The following IL17B variants were observed in gnomAD, a reference collection of about 807,000 sequenced individuals.
IL17B encodes interleukin 17B, also known as interleukin-17B.
A neutral mutation model predicts 14.7 loss-of-function variants in IL17B; 14 were observed. The ratio of observed to expected loss-of-function variants is 0.95; its 90% CI spans 0.63 to 1.49. The LOEUF (loss-of-function observed/expected upper bound fraction) is 1.49, where lower values mean the gene tolerates loss of function less well. IL17B is among the 40% of genes most tolerant of loss of function. The pLI, the probability that IL17B is intolerant of heterozygous loss-of-function variation, is 0.00. For missense variants in IL17B, 233 were observed against 252.8 expected (o/e 0.92, Z 0.53); for synonymous variants, 105 against 94.8 (o/e 1.11, Z -0.62).
rs1393920867 is a variant in IL17B, at chr5:149,376,787, T to C, written c.260A>G (p.Asn87Ser). The C allele has an allele frequency of 6.2e-7, 1 of 1,613,822 alleles. No homozygotes were observed. Among genetic ancestry groups the C allele is most frequent in the East Asian group, 2.2e-5 (1 of 44,872 alleles). ...CTTGTTGGACATCCACAGCTGCAAG[T>C]TGACCTCACACTTTCTCTGGGCCAG... ...SELAQRKCEV[N>S]LQLWMSNKRS... is the part of the protein sequence containing the mutation. The change falls in exon 2 of 3, where the codon AAC (asparagine) becomes AGC (serine). Residue 87 changes from asparagine to serine, a missense_variant. Physicochemically the swap from Asn to Ser is conservative, Grantham distance 46. Transcript: ENST00000261796.
intron 1 of IL17B, among the ~76,000 whole-genome samples, chr5:149,393,872 G>C (rs948237144): frequency 6.6e-6 from 1 of 152,126 alleles, no homozygotes; most frequent in African/African-American, 2.4e-5. Context: ...CTCTGAAAAA[G>C]AGTGTTGAGG....
chr5:149,390,329 C>G lies in IL17B; in HGVS notation n.96-13304G>C, dbSNP rs539638420. On this transcript the variant is annotated intron_variant and non_coding_transcript_variant, in intron 1 of 2. Coordinates refer to the IL17B transcript ENST00000505432. ...AAGGAGGCAACAGGTGGGGACTGGT[C>G]GGGGACAGAATGGGATCATTATGAA... Among the ~76,000 whole-genome samples, 14 of 151,436 alleles carry G rather than the reference C, an allele frequency of 9.2e-5. No individual in the cohort carries two copies. The South Asian group carries it at 2.5e-3, about 27-fold the overall frequency.
At chr5:149,375,500 GA>G (rs1255608513) in intron 2 of IL17B, among the ~76,000 whole-genome samples, 1 of 152,226 alleles carries the variant, frequency 6.6e-6, no homozygotes, top group Non-Finnish European at 1.5e-5. Context: ...AATCAGATGT[GA>G]AAAGCTCCGT....
At chr5:149,380,962 G>A (rs536093597), upstream of IL17B, among the ~76,000 whole-genome samples, 114 of 152,336 alleles carry the variant, frequency 7.5e-4, no homozygotes, top group African/African-American at 2.6e-3. Context: ...TACCTCCTCA[G>A]GCAACAAGGG....
intron 1 of IL17B, among the ~76,000 whole-genome samples, chr5:149,401,115 C>T (rs1323225838): frequency 1.3e-5 from 2 of 152,212 alleles, no homozygotes; most frequent in African/African-American, 2.4e-5. Context: ...CTTCTGATGG[C>T]AGTAGAGGTA....
intron 1 of IL17B, among the ~76,000 whole-genome samples, chr5:149,377,915 G>A (rs564259051): frequency 3.9e-5 from 6 of 152,180 alleles, no homozygotes; most frequent in Admixed American, 2.0e-4. Flanking sequence ...AGGCCGAGGC[G>A]GGCAGATCAC....
intron 1 of IL17B, among the ~76,000 whole-genome samples, chr5:149,402,468 C>T (rs894755885): frequency 2.0e-5 from 3 of 152,112 alleles, no homozygotes. Flanking sequence ...GTTAATTCAC[C>T]CTCCCCTGCC....
chr5:149,394,062 T>A (rs1759043404), intron 1 of IL17B, among the ~76,000 whole-genome samples: 1 of 152,160 alleles, frequency 6.6e-6, no homozygotes, highest in Admixed American at 6.5e-5. Context: ...GAGAGACATA[T>A]CAAAACATGT....
chr5:149,402,125 G>C (rs577881274), intron 1 of IL17B, among the ~76,000 whole-genome samples: 1 of 152,328 alleles, frequency 6.6e-6, no homozygotes, highest in South Asian at 2.1e-4. Flanking sequence ...CCGTACAGGC[G>C]TCTTGGAAGG....
At chr5:149,401,965 C>T (rs937134567) in intron 1 of IL17B, among the ~76,000 whole-genome samples, 1 of 152,172 alleles carries the variant, frequency 6.6e-6, no homozygotes, top group African/African-American at 2.4e-5. Flanking sequence ...TGTTACCCTG[C>T]ACTGTTCAGG....
chr5:149,376,373 G>T (rs914700982), intron 2 of IL17B, among the ~76,000 whole-genome samples: 5 of 152,348 alleles, frequency 3.3e-5, no homozygotes, highest in Admixed American at 6.5e-5. Context: ...CTGGAACACC[G>T]CATGGAAGCG....
At chr5:149,396,779 A>G (rs1171300401) in intron 1 of IL17B, among the ~76,000 whole-genome samples, 1 of 152,206 alleles carries the variant, frequency 6.6e-6, no homozygotes, top group Non-Finnish European at 1.5e-5. Flanking sequence ...AATAAAAATA[A>G]AAGTAAGAAT....
chr5:149,379,550 C>T (rs894010999), upstream of IL17B, among the ~76,000 whole-genome samples: 7 of 152,216 alleles, frequency 4.6e-5, no homozygotes, highest in Non-Finnish European at 8.8e-5. Flanking sequence ...CGGCCGGCCG[C>T]CCAGCCAGCA....
At chr5:149,379,177 G>A (rs1325424908) in intron 1 of IL17B, 28 bp downstream of exon 1, 1 of 1,613,638 alleles carries the variant, frequency 6.2e-7, no homozygotes, top group African/African-American at 1.3e-5. Context: ...AAAAAGGGGT[G>A]GGGGTGCGGC....
intron 1 of IL17B, among the ~76,000 whole-genome samples, chr5:149,390,219 C>CA (rs1409322148): frequency 1.4e-5 from 2 of 145,430 alleles, no homozygotes; most frequent in Admixed American, 1.3e-4. Context: ...TATTAGTGAC[C>CA]CCCCCCCTCC....
In IL17B at chr5:149,374,861, C is replaced by G. The variant is rs935779069; in HGVS notation, c.312-261G>C. The G allele has an allele frequency of 2.2e-5, 10 of 462,588 alleles. No individual in the cohort carries two copies. The highest frequency in any genetic ancestry group is 1.2e-4 in the African/African-American group (6 of 51,864). 28.7% of individuals were successfully genotyped at this position (462,588 alleles called of 1,614,324 possible). On this transcript the variant is annotated intron_variant, in intron 2 of 2. Coordinates refer to ENST00000261796, the MANE Select transcript of IL17B (RefSeq NM_014443.3). This position sits in a 1 kb window ranked among gnomAD's most constrained non-coding sequence, Gnocchi z 5.0. ...TTCCTTCTTTCGTGCAGCCAGATGC[C>G]CATCCCAGTACTAGGTTGCGCTGTG...
intron 1 of IL17B, among the ~76,000 whole-genome samples, chr5:149,390,624 C>G (rs868201369): frequency 4.8e-5 from 7 of 144,940 alleles, no homozygotes; most frequent in Admixed American, 1.4e-4. Context: ...CACACACACA[C>G]ACACACAGAG....
chr5:149,386,124 T>G (rs1758823155), intron 1 of IL17B, among the ~76,000 whole-genome samples: 1 of 152,226 alleles, frequency 6.6e-6, no homozygotes, highest in African/African-American at 2.4e-5. Flanking sequence ...AGTGCTGTTT[T>G]TATTGTGGTT....
chr5:149,402,810 T>G (rs528571624), intron 1 of IL17B, among the ~76,000 whole-genome samples: 30 of 151,804 alleles, frequency 2.0e-4, no homozygotes, highest in African/African-American at 7.2e-4. Flanking sequence ...AAGACCATCC[T>G]GGCTAACACG....
Sources: allele counts gnomAD v4.1 joint callset (sites outside exome capture counted in the v4.1 genomes callset), GRCh38; gene constraint gnomAD v4.1.1; non-coding constraint Gnocchi (gnomAD v3.1); transcripts MANE v1.5; gene names NCBI Gene and HGNC (gene_info 2026-07-23, HGNC 2026-07-21).